The following AMZ2 variants were observed in gnomAD, a reference collection of about 807,000 sequenced individuals.
The protein encoded by AMZ2 is archaelysin family metallopeptidase 2.
Under a neutral mutation model 36.7 loss-of-function variants are expected in AMZ2, and 26 were observed. That is an observed-to-expected ratio of 0.71 (90% confidence interval 0.52 to 0.98). The LOEUF (loss-of-function observed/expected upper bound fraction) is 0.98. Among genes scored for constraint, AMZ2 ranks in the 50% least tolerant of loss-of-function variants. The probability of loss-of-function intolerance (pLI) is 0.00; values close to 1 mark genes in which losing one functional copy is unlikely to be tolerated. For missense variants in AMZ2, 394 were observed against 430.5 expected (o/e 0.92, Z 0.75); for synonymous variants, 144 against 149.1 (o/e 0.97, Z 0.25).
chr17:68,209,632 A>ATATATATATGTATATATATT, intron 1 of AMZ2, among the ~76,000 whole-genome samples: 6 of 90,700 alleles, frequency 6.6e-5, no homozygotes, highest in Non-Finnish European at 6.0e-5. Flanking sequence ...ATATATATAT[A>ATATATATATGTATATATATT]TTTTTTTTTT....
At chr17:68,219,245 G>A (rs1420320084) in intron 1 of AMZ2, among the ~76,000 whole-genome samples, 1 of 152,154 alleles carries the variant, frequency 6.6e-6, no homozygotes, top group Non-Finnish European at 1.5e-5. Context: ...GATGACAGGT[G>A]TGAGCCACCG....
intron 1 of AMZ2, among the ~76,000 whole-genome samples, chr17:68,217,957 C>T (rs1259209682): frequency 2.0e-5 from 3 of 151,886 alleles, no homozygotes; most frequent in Non-Finnish European, 2.9e-5. Flanking sequence ...GGACTACAGG[C>T]GCCCGCCATC....
At chr17:68,211,359 T>C (rs1276558804) in intron 1 of AMZ2, among the ~76,000 whole-genome samples, 3 of 151,864 alleles carry the variant, frequency 2.0e-5, no homozygotes, top group Admixed American at 1.3e-4. Context: ...AAAAATTAGC[T>C]GGGCGTGGTG....
intron 1 of AMZ2, among the ~76,000 whole-genome samples, chr17:68,234,197 G>A (rs2073934254): frequency 6.6e-6 from 1 of 151,838 alleles, no homozygotes; most frequent in Admixed American, 6.6e-5. Context: ...TGGGTGTGGT[G>A]GCACACTTTG....
rs200247133 is a variant in AMZ2, at chr17:68,255,682, A to C, written c.751-18A>C. 6 of 1,610,100 alleles carry C rather than the reference A, an allele frequency of 3.7e-6. No homozygotes were observed. Among genetic ancestry groups the C allele is most frequent in the Non-Finnish European group, 5.1e-6 (6 of 1,176,966 alleles). ...TGTGATGGTGGTCTTATAAAGCCTC[A>C]ACATGATTGTCTTGCAGACTTTAAC... is the stretch of plus-strand genomic sequence containing the variant. On this transcript the variant is annotated intron_variant, in intron 5 of 6. Coordinates refer to ENST00000359904, the MANE Select transcript of AMZ2 (RefSeq NM_016627.5).
chr17:68,248,521 T>C lies in AMZ2; in HGVS notation c.-185T>C. 2 of 986,116 alleles carry C rather than the reference T, an allele frequency of 2.0e-6. No homozygotes were observed. The highest frequency in any genetic ancestry group is 2.4e-6 in the Non-Finnish European group (2 of 830,076). 61.1% of individuals were successfully genotyped at this position (986,116 alleles called of 1,614,324 possible). On this transcript the variant is annotated 5_prime_UTR_variant, in exon 1 of 7. Transcript: ENST00000359904. ...TGCAGTGACCGAATTCTGCGCCCCC[T>C]GCCCATCTTCTCCCGCAGCTTCCCT...
At chr17:68,213,112 GAC>G (rs2073108278) in intron 1 of AMZ2, among the ~76,000 whole-genome samples, 1 of 152,094 alleles carries the variant, frequency 6.6e-6, no homozygotes, top group Non-Finnish European at 1.5e-5. Context: ...ACCAGTAAAA[GAC>G]AATACTTAAC....
chr17:68,234,480 G>A (rs1162890236), intron 1 of AMZ2, among the ~76,000 whole-genome samples: 2 of 151,578 alleles, frequency 1.3e-5, no homozygotes, highest in African/African-American at 4.8e-5. Context: ...TATCTTATTG[G>A]CTGGGTGCAG....
At chr17:68,215,109 TAAG>T (rs1358016888) in intron 1 of AMZ2, among the ~76,000 whole-genome samples, 3 of 152,230 alleles carry the variant, frequency 2.0e-5, no homozygotes, top group African/African-American at 7.2e-5. Context: ...AGTATGGTTT[TAAG>T]AAGGTTTCAG....
chr17:68,232,121 A>G (rs1172897911), intron 1 of AMZ2, among the ~76,000 whole-genome samples: 2 of 39,064 alleles, frequency 5.1e-5, no homozygotes, highest in African/African-American at 1.7e-4. Flanking sequence ...TGAAGTTTGT[A>G]AAAAAAAAAA....
intron 1 of AMZ2, among the ~76,000 whole-genome samples, chr17:68,210,087 A>T (rs4968836): frequency 9.2e-5 from 14 of 152,070 alleles, no homozygotes; most frequent in Admixed American, 4.6e-4. Flanking sequence ...GTATTGTTAG[A>T]GAGAATGTAA....
chr17:68,234,753 T>G (rs868950971), intron 1 of AMZ2, among the ~76,000 whole-genome samples: 3 of 141,998 alleles, frequency 2.1e-5, no homozygotes, highest in African/African-American at 5.3e-5. Flanking sequence ...GAGTGAAGAG[T>G]GGGTGACAGA....
At chr17:68,208,931 C>G (rs547222112) in intron 1 of AMZ2, among the ~76,000 whole-genome samples, 1 of 152,284 alleles carries the variant, frequency 6.6e-6, no homozygotes, top group East Asian at 1.9e-4. Flanking sequence ...GGAACAAACT[C>G]CGGACACGCC....
intron 1 of AMZ2, among the ~76,000 whole-genome samples, chr17:68,209,099 G>T (rs11653860): frequency 0.072 from 11,031 of 152,212 alleles, 630 homozygotes; most frequent in East Asian, 0.29. Context: ...GTCCGGGGAG[G>T]CTGTATGGAG....
chr17:68,247,500 T>C, upstream of AMZ2: 1 of 477,560 alleles, frequency 2.1e-6, no homozygotes, highest in African/African-American at 2.1e-5. Flanking sequence ...GGTTTCGGCC[T>C]CGGAGCGCCA....
At chr17:68,244,866 A>T (rs868907955), upstream of AMZ2, among the ~76,000 whole-genome samples, 2 of 152,264 alleles carry the variant, frequency 1.3e-5, no homozygotes, top group African/African-American at 4.8e-5. Context: ...AAAGTTGAAC[A>T]CATGGATGTT....
chr17:68,248,942 T>G (rs1173055065), intron 1 of AMZ2: 2 of 718,498 alleles, frequency 2.8e-6, no homozygotes, highest in Non-Finnish European at 3.6e-6. Context: ...TGGCAAAATC[T>G]AAATAATTAG....
At chr17:68,247,916 G>A (rs1476238218), upstream of AMZ2, 25 of 985,488 alleles carry the variant, frequency 2.5e-5, no homozygotes, top group South Asian at 4.7e-5. Context: ...CGCCTGCCCA[G>A]GCGGCCGCAC....
chr17:68,211,245 G>C (rs1555725835), intron 1 of AMZ2, among the ~76,000 whole-genome samples: 1 of 152,154 alleles, frequency 6.6e-6, no homozygotes, highest in African/African-American at 2.4e-5. Flanking sequence ...GCTCACGCCT[G>C]TAATCCCAGC....
Sources: gnomAD v4.1 joint callset for allele counts (sites outside exome capture counted in the v4.1 genomes callset) on GRCh38, gnomAD v4.1.1 for gene constraint, MANE v1.5 for transcripts, NCBI Gene and HGNC (gene_info 2026-07-23, HGNC 2026-07-21) for gene names.